Variants in ITGB8 observed in about 807,000 individuals in gnomAD.
ITGB8 encodes the protein integrin beta-8.
ITGB8 carries 30 observed loss-of-function variants against 89.5 expected under a neutral mutation model. The ratio of observed to expected loss-of-function variants is 0.34; its 90% CI spans 0.25 to 0.45. The LOEUF (loss-of-function observed/expected upper bound fraction) is 0.45, where lower values mean the gene tolerates loss of function less well. ITGB8 is among the 20% of genes least tolerant of loss of function. ITGB8 has a pLI of 1.00. For missense variants in ITGB8, 836 were observed against 933.3 expected (o/e 0.90, Z 1.36); for synonymous variants, 335 against 320.4 (o/e 1.05, Z -0.49).
intron 9 of ITGB8, among the ~76,000 whole-genome samples, chr7:20,401,401 T>A (rs1160690322): frequency 1.3e-5 from 2 of 152,220 alleles, no homozygotes; most frequent in Non-Finnish European, 2.9e-5. Flanking sequence ...TGGCCTATTC[T>A]TTCTCATGTT....
chr7:20,373,210 A>G lies in ITGB8; in HGVS notation c.389-5841A>G, dbSNP rs537149320. On this transcript the variant is annotated intron_variant, in intron 3 of 13. Transcript: ENST00000222573. The stretch of plus-strand genomic sequence containing the variant: ...AAAATGTTAGTAGGACTATATTTTA[A>G]TTGGATGTTTTAAATGACATTTAAA... 2.0e-5 allele frequency among the ~76,000 whole-genome samples: 3 copies of G among 152,302 alleles called. No individual in the cohort carries two copies. In the South Asian group the frequency reaches 6.2e-4, roughly 32 times the overall value.
At chr7:20,366,822 T>C (rs541764474) in intron 2 of ITGB8, 190 bp from the exon 3 acceptor site, 5 of 502,144 alleles carry the variant, frequency 1.0e-5, no homozygotes, top group Admixed American at 8.2e-5. Context: ...CCTTCTCAAA[T>C]AGGTTTTAGA....
At chr7:20,366,951 T>A in intron 2 of ITGB8, 61 bp from the exon 3 acceptor site, 1 of 1,165,774 alleles carries the variant, frequency 8.6e-7, no homozygotes, top group African/African-American at 1.6e-5. Flanking sequence ...TGCTATGTCA[T>A]TTTCTTTGGA....
chr7:20,388,570 A>G (rs528072628), intron 6 of ITGB8, among the ~76,000 whole-genome samples: 2 of 152,152 alleles, frequency 1.3e-5, no homozygotes, highest in Non-Finnish European at 2.9e-5. Flanking sequence ...TTTTCTTTTA[A>G]AAGAGATTTC....
intron 1 of ITGB8, 88 bp downstream of exon 1, chr7:20,332,021 C>T: frequency 6.5e-6 from 10 of 1,534,662 alleles, no homozygotes; most frequent in Non-Finnish European, 8.8e-6. Context: ...GCATCCCGGC[C>T]AGGTAAGTTG....
At chr7:20,339,138 G>A (rs1408753699) in intron 1 of ITGB8, among the ~76,000 whole-genome samples, 2 of 148,340 alleles carry the variant, frequency 1.3e-5, no homozygotes, top group Non-Finnish European at 3.0e-5. Flanking sequence ...GTTGCAGTGA[G>A]CCGAGATCGT....
At chr7:20,395,645 G>A (rs1043852273) in intron 8 of ITGB8, among the ~76,000 whole-genome samples, 3 of 152,178 alleles carry the variant, frequency 2.0e-5, no homozygotes, top group African/African-American at 7.2e-5. Context: ...CTGTTAAGAT[G>A]TTGTGAAAAT....
At chr7:20,369,435 AAG>A (rs1020324504) in intron 3 of ITGB8, among the ~76,000 whole-genome samples, 6 of 152,162 alleles carry the variant, frequency 3.9e-5, no homozygotes, top group Non-Finnish European at 7.4e-5. Flanking sequence ...GAAAGTGATC[AAG>A]AGAGAGAACA....
chr7:20,364,124 T>C (rs540991475), intron 2 of ITGB8, among the ~76,000 whole-genome samples: 1 of 152,204 alleles, frequency 6.6e-6, no homozygotes, highest in Non-Finnish European at 1.5e-5. Flanking sequence ...AAACGAATCC[T>C]AATAACAAAA....
chr7:20,334,677 A>G (rs1784519355), intron 1 of ITGB8, among the ~76,000 whole-genome samples: 1 of 152,216 alleles, frequency 6.6e-6, no homozygotes, highest in South Asian at 2.1e-4. Context: ...CCAAGGTATC[A>G]TTAACAAAAA....
At chr7:20,398,480 A>T (rs1455394396) in intron 8 of ITGB8, among the ~76,000 whole-genome samples, 1 of 152,208 alleles carries the variant, frequency 6.6e-6, no homozygotes, top group Admixed American at 6.5e-5. Flanking sequence ...AGGTGTCAAG[A>T]TTTACCCTTT....
chr7:20,350,304 T>C (rs531217616), intron 1 of ITGB8, among the ~76,000 whole-genome samples: 1 of 152,130 alleles, frequency 6.6e-6, no homozygotes, highest in Non-Finnish European at 1.5e-5. Context: ...CCCGCCACCA[T>C]GTCCGGCTAA....
At chr7:20,379,524 A>G (rs1413538567) in intron 4 of ITGB8, 1 of 173,878 alleles carries the variant, frequency 5.8e-6, no homozygotes, top group Non-Finnish European at 1.1e-5. Context: ...AGTTTTTATC[A>G]CCAAAAAAAA....
chr7:20,395,611 C>T (rs1008864843), intron 8 of ITGB8, among the ~76,000 whole-genome samples: 1 of 152,168 alleles, frequency 6.6e-6, no homozygotes, highest in South Asian at 2.1e-4. Flanking sequence ...TTTCAACCTG[C>T]GTCATTCCTG....
At chr7:20,404,198 C>T (rs977077813) in intron 10 of ITGB8, among the ~76,000 whole-genome samples, 11 of 152,230 alleles carry the variant, frequency 7.2e-5, no homozygotes, top group African/African-American at 2.4e-4. Flanking sequence ...TATCCTAGGC[C>T]TTCAGCAACA....
At chr7:20,364,619 G>A (rs1168167270) in intron 2 of ITGB8, 1 of 152,120 alleles carries the variant, frequency 6.6e-6, no homozygotes, top group Admixed American at 6.5e-5. Context: ...GATGGACTCT[G>A]GGCTCCACCA....
At chr7:20,409,580 AT>A in intron 12 of ITGB8, 34 bp from the exon 13 acceptor site, 1 of 1,482,126 alleles carries the variant, frequency 6.7e-7, no homozygotes, top group Non-Finnish European at 9.2e-7. Context: ...ACTTATTCCA[AT>A]TTTTAATCCA....
At chr7:20,368,290 C>T (rs1785785268) in intron 3 of ITGB8, among the ~76,000 whole-genome samples, 1 of 152,086 alleles carries the variant, frequency 6.6e-6, no homozygotes. Flanking sequence ...TCCCACCTTC[C>T]ATTGCAAAAA....
chr7:20,361,404 T>G (rs887839468), intron 1 of ITGB8, among the ~76,000 whole-genome samples: 1 of 152,244 alleles, frequency 6.6e-6, no homozygotes, highest in African/African-American at 2.4e-5. Flanking sequence ...AATTTCCTTC[T>G]TACAGCTCTG....
Sources: gnomAD v4.1 joint callset for allele counts (sites outside exome capture counted in the v4.1 genomes callset) on GRCh38, gnomAD v4.1.1 for gene constraint, MANE v1.5 for transcripts, NCBI Gene and HGNC (gene_info 2026-07-23, HGNC 2026-07-21) for gene names.